Variants in FREM2 observed in about 807,000 individuals in gnomAD.
FREM2 encodes FRAS1-related extracellular matrix protein 2.
Under a neutral mutation model 219.9 loss-of-function variants are expected in FREM2, and 119 were observed. The ratio of observed to expected loss-of-function variants is 0.54; its 90% confidence interval spans 0.47 to 0.63. The LOEUF (loss-of-function observed/expected upper bound fraction) is 0.63, where lower values mean the gene tolerates loss of function less well. Among genes scored for constraint, FREM2 ranks in the 30% least tolerant of loss-of-function variants. The pLI is 0.00. For missense variants in FREM2, 4,030 were observed against 3,993.6 expected, an observed-to-expected ratio of 1.01 and a Z score of -0.25; for synonymous variants, 1,562 against 1,522.8, an observed-to-expected ratio of 1.03 and a Z score of -0.60.
chr13:38,800,565 T>C (rs955572158), intron 6 of FREM2, among the ~76,000 whole-genome samples: 1 of 152,188 alleles, frequency 6.6e-6, no homozygotes, highest in African/African-American at 2.4e-5. Context: ...TTTGGGGATA[T>C]ATGGGCCTCC....
chr13:38,877,048 C>T, intron 20 of FREM2, 69 bp from the exon 21 acceptor site: 1 of 1,542,986 alleles, frequency 6.5e-7, no homozygotes, highest in Admixed American at 1.7e-5. Flanking sequence ...ATGTATGTAT[C>T]TGTGAACAGT....
intron 2 of FREM2, among the ~76,000 whole-genome samples, chr13:38,750,396 A>C (rs574234746): frequency 6.6e-6 from 1 of 152,292 alleles, no homozygotes; most frequent in Admixed American, 6.5e-5. Context: ...TTCTGTGCCT[A>C]GCTTATTTTA....
chr13:38,861,713 G>T lies in FREM2; in HGVS notation c.7651+151G>T. The T allele has an allele frequency of 4.7e-6, 4 of 853,972 alleles. No homozygotes were observed. In the Admixed American group the frequency reaches 5.8e-5, roughly 12 times the overall value. The allele number at this position is 853,972 out of a possible 1,614,324, so 52.9% of individuals were successfully genotyped here. A position where few individuals can be genotyped will look rare whatever the true frequency, so the allele number is the denominator to read the frequency against. ...CCTTCCACTTCTTTCAACTGTTTTAGCTTTGTTCTACCCTGTTTTTATAAC... is the reference window on the plus strand; with the variant it reads ...CCTTCCACTTCTTTCAACTGTTTTATCTTTGTTCTACCCTGTTTTTATAAC... On this transcript the variant is annotated intron_variant, in intron 15 of 23. Transcript: ENST00000280481.
intron 6 of FREM2, among the ~76,000 whole-genome samples, chr13:38,835,447 A>T (rs1252645908): frequency 6.6e-6 from 1 of 152,168 alleles, no homozygotes; most frequent in Admixed American, 6.5e-5. Flanking sequence ...TTGGTTCCAT[A>T]TTAAATTTAA....
chr13:38,805,394 T>C (rs990923057), intron 6 of FREM2, among the ~76,000 whole-genome samples: 3 of 151,616 alleles, frequency 2.0e-5, no homozygotes, highest in African/African-American at 7.3e-5. Context: ...AAAACTGAGG[T>C]ACCATTATAG....
At chr13:38,862,951 C>T (rs1324607730) in intron 15 of FREM2, among the ~76,000 whole-genome samples, 2 of 152,140 alleles carry the variant, frequency 1.3e-5, no homozygotes, top group African/African-American at 4.8e-5. Context: ...CAACAGAGAC[C>T]TCAGGGACCA....
chr13:38,784,785 C>T lies in FREM2; in HGVS notation c.5996C>T (p.Thr1999Ile). Residue 1999 changes from threonine (T) to isoleucine (I), a missense_variant, in exon 6 of 24, where the codon ACA becomes ATA. Transcript: ENST00000280481. The part of the protein sequence containing the change: ...IGSEFPGAQV[T>I]IVPDKDDEPI... ...TCAGAGTTCCCAGGGGCTCAAGTTA[C>T]AATCGTTCCTGACAAAGATGATGGT... is the stretch of plus-strand genomic sequence containing the variant. 1 of 1,614,132 alleles carries T rather than the reference C, an allele frequency of 6.2e-7. No individual in the cohort carries two copies. Among genetic ancestry groups the T allele is most frequent in the Non-Finnish European group, 8.5e-7 (1 of 1,180,004 alleles).
chr13:38,795,004 T>C (rs1312812165), intron 6 of FREM2, among the ~76,000 whole-genome samples: 1 of 152,142 alleles, frequency 6.6e-6, no homozygotes, highest in African/African-American at 2.4e-5. Context: ...ATCACACAAA[T>C]GTTAAGTGTT....
At chr13:38,787,691 CTTAT>C (rs1223314377) in intron 6 of FREM2, among the ~76,000 whole-genome samples, 2 of 150,644 alleles carry the variant, frequency 1.3e-5, no homozygotes, top group East Asian at 1.9e-4. Context: ...TCCTAATTAA[CTTAT>C]TTATTATTTA....
At chr13:38,743,603 T>C (rs1872336958) in intron 2 of FREM2, among the ~76,000 whole-genome samples, 1 of 152,134 alleles carries the variant, frequency 6.6e-6, no homozygotes, top group Non-Finnish European at 1.5e-5. Flanking sequence ...CAGAAAGTCT[T>C]GTACTTCTCA....
chr13:38,697,683 T>C lies in FREM2; in HGVS notation c.5174-15T>C, dbSNP rs747035897. On this transcript the variant is annotated splice_polypyrimidine_tract_variant and intron_variant, in intron 1 of 23. Coordinates refer to ENST00000280481, the MANE Select transcript of FREM2 (RefSeq NM_207361.6). Reference sequence around the variant, plus strand: ...CTCTGGTAATTAATCATCTTGTTTTTTGGTTATTTTCTAGCTGACATTGAT... The same window carrying C: ...CTCTGGTAATTAATCATCTTGTTTTCTGGTTATTTTCTAGCTGACATTGAT... The C allele has an allele frequency of 1.6e-5, 23 of 1,451,750 alleles. No individual in the cohort carries two copies. The South Asian group carries it at 2.6e-4, about 17-fold the overall frequency. The allele number at this position is 1,451,750 out of a possible 1,614,324, so 89.9% of individuals were successfully genotyped here. A position where few individuals can be genotyped will look rare whatever the true frequency, so the allele number is the denominator to read the frequency against.
intron 2 of FREM2, among the ~76,000 whole-genome samples, chr13:38,734,623 T>C (rs1442050670): frequency 1.3e-5 from 2 of 152,130 alleles, no homozygotes; most frequent in Non-Finnish European, 2.9e-5. Flanking sequence ...CATTCATTCA[T>C]TGATTCATTT....
intron 2 of FREM2, among the ~76,000 whole-genome samples, chr13:38,715,758 C>A (rs1361781383): frequency 2.0e-5 from 3 of 151,858 alleles, no homozygotes; most frequent in Admixed American, 6.6e-5. Context: ...TGATAGAAAT[C>A]CTATCTTGGC....
chr13:38,844,975 A>T (rs1190112168), intron 6 of FREM2, among the ~76,000 whole-genome samples: 1 of 152,200 alleles, frequency 6.6e-6, no homozygotes, highest in Admixed American at 6.5e-5. Flanking sequence ...GTTAACAGAT[A>T]ACACCTTCAT....
In FREM2 at chr13:38,877,123, G is replaced by A; in HGVS notation, c.8551G>A (p.Asp2851Asn). 1 of 1,614,122 alleles carries A rather than the reference G, an allele frequency of 6.2e-7. No individual in the cohort carries two copies. The highest frequency in any genetic ancestry group is 8.5e-7 in the Non-Finnish European group (1 of 1,179,968). Residue 2851 changes from aspartate (D) to asparagine (N), a missense_variant, in exon 21 of 24, where the codon GAT (aspartate) becomes AAT (asparagine). Asp to Asn is a conservative substitution (Grantham distance 23). Coordinates refer to ENST00000280481, the MANE Select transcript of FREM2 (RefSeq NM_207361.6). ...DLDIRFQQVSDPVAAEFSLNT... is the reference protein window; with the variant it reads ...DLDIRFQQVSNPVAAEFSLNT... ...CTTTTACCTTTGGTTTTAGGTCAGT[G>A]ATCCAGTGGCTGCTGAGTTTAGCTT...
intron 6 of FREM2, among the ~76,000 whole-genome samples, chr13:38,818,806 T>C (rs939331002): frequency 1.3e-5 from 2 of 151,622 alleles, no homozygotes; most frequent in African/African-American, 4.8e-5. Flanking sequence ...TTACTAAAAA[T>C]ACAAAAATTA....
intron 4 of FREM2, among the ~76,000 whole-genome samples, chr13:38,782,641 A>T (rs745463371): frequency 2.8e-4 from 43 of 152,218 alleles, no homozygotes; most frequent in Admixed American, 6.5e-4. Flanking sequence ...GCCATTGACA[A>T]ATAGGTTCAA....
intron 3 of FREM2, among the ~76,000 whole-genome samples, 190 bp downstream of exon 3, chr13:38,764,640 A>G (rs1873364780): frequency 6.6e-6 from 1 of 152,216 alleles, no homozygotes; most frequent in African/African-American, 2.4e-5. Context: ...TTCTGTGTAC[A>G]TATGATCTTT....
intron 2 of FREM2, among the ~76,000 whole-genome samples, chr13:38,741,110 A>G (rs1349219859): frequency 2.0e-5 from 3 of 152,206 alleles, no homozygotes; most frequent in Non-Finnish European, 4.4e-5. Flanking sequence ...TAAGGCACAA[A>G]GAATAAATAT....
Sources: gnomAD v4.1 joint callset for allele counts (sites outside exome capture counted in the v4.1 genomes callset) on GRCh38, gnomAD v4.1.1 for gene constraint, MANE v1.5 for transcripts, NCBI Gene and HGNC (gene_info 2026-07-23, HGNC 2026-07-21) for gene names.